Variants in NDRG3 observed in about 807,000 individuals in gnomAD.
NDRG3 encodes the protein protein NDRG3.
NDRG3 carries 23 observed loss-of-function variants against 57.2 expected under a neutral mutation model. The ratio of observed to expected loss-of-function variants is 0.40; its 90% confidence interval spans 0.29 to 0.57. The LOEUF (loss-of-function observed/expected upper bound fraction) is 0.57, where lower values mean the gene tolerates loss of function less well. NDRG3 is among the 20% of genes least tolerant of loss of function. The pLI is 0.42. For synonymous variants in NDRG3, 132 were observed against 162.6 expected, an observed-to-expected ratio of 0.81 and a Z score of 1.43; for missense variants, 384 against 457.3, an observed-to-expected ratio of 0.84 and a Z score of 1.46.
chr20:36,693,403 C>A (rs930017392), intron 3 of NDRG3, among the ~76,000 whole-genome samples: 1 of 151,184 alleles, frequency 6.6e-6, no homozygotes, highest in African/African-American at 2.4e-5. Context: ...AACTTAACTA[C>A]TAATAACCTA....
At chr20:36,658,057 T>C (rs221311) in intron 13 of NDRG3, among the ~76,000 whole-genome samples, 139,529 of 152,236 alleles carry the variant, frequency 0.92, 64,231 homozygotes, top group African/African-American at 0.98. Context: ...TCTATGGTTA[T>C]TGTAGGGTTT....
intron 1 of NDRG3, among the ~76,000 whole-genome samples, chr20:36,725,850 G>A (rs182995010): frequency 1.5e-4 from 23 of 151,932 alleles, no homozygotes; most frequent in Non-Finnish European, 3.2e-4. Flanking sequence ...ACTCCACATG[G>A]GTGGGCCTGT....
rs868530736 is a variant in NDRG3, at chr20:36,653,370, A to G, written c.*150T>C. 1.5e-6 allele frequency: 1 copy of G among 660,816 alleles called. No homozygotes were observed. Among genetic ancestry groups the G allele is most frequent in the East Asian group, 2.8e-5 (1 of 35,836 alleles). The allele number at this position is 660,816 out of a possible 1,614,324, so 40.9% of individuals were successfully genotyped here. On this transcript the variant is annotated 3_prime_UTR_variant, in exon 16 of 16. Transcript: ENST00000349004. The surrounding 1 kb of genome is among the most constrained non-coding windows in gnomAD (Gnocchi z 4.2). ...TACAAAAAAGGGGGTGGGCAGGCAG[A>G]GAGAATGATAAATCCAGGCTACTAG...
intron 1 of NDRG3, among the ~76,000 whole-genome samples, chr20:36,741,573 T>C (rs549063268): frequency 6.6e-6 from 1 of 152,328 alleles, no homozygotes; most frequent in African/African-American, 2.4e-5. Context: ...CCCAAGCCTC[T>C]AAATCTTACT....
chr20:36,697,968 T>TC (rs1469517649), intron 3 of NDRG3, among the ~76,000 whole-genome samples: 1 of 145,006 alleles, frequency 6.9e-6, no homozygotes. Context: ...TTTTTCTTTT[T>TC]TTTTTTTTTT....
intron 12 of NDRG3, among the ~76,000 whole-genome samples, chr20:36,664,295 G>T (rs989701698): frequency 2.6e-5 from 4 of 151,878 alleles, no homozygotes; most frequent in African/African-American, 7.3e-5. Flanking sequence ...CTGTCTTTAG[G>T]TAATGGGATC....
intron 1 of NDRG3, among the ~76,000 whole-genome samples, chr20:36,728,743 T>C (rs1985100395): frequency 6.6e-6 from 1 of 151,980 alleles, no homozygotes; most frequent in Admixed American, 6.6e-5. Flanking sequence ...GGGGAGGTTT[T>C]GAGACAGAGT....
chr20:36,669,242 T>C (rs1979918945), intron 9 of NDRG3, among the ~76,000 whole-genome samples: 1 of 151,306 alleles, frequency 6.6e-6, no homozygotes, highest in African/African-American at 2.4e-5. Context: ...TTTTTTTTTT[T>C]TTCTGGGATG....
chr20:36,702,337 C>T (rs1445442170), intron 3 of NDRG3, among the ~76,000 whole-genome samples: 1 of 152,076 alleles, frequency 6.6e-6, no homozygotes, highest in East Asian at 1.9e-4. Context: ...GGGGTTTCAC[C>T]GTGTTAGCCA....
intron 8 of NDRG3, among the ~76,000 whole-genome samples, chr20:36,679,596 C>T (rs149359627): frequency 0.028 from 4,277 of 151,952 alleles, 241 homozygotes; most frequent in African/African-American, 0.098. Context: ...CTCCACCTCC[C>T]AGGTTCAAGT....
chr20:36,674,277 G>C (rs901839275), intron 8 of NDRG3, among the ~76,000 whole-genome samples: 3 of 151,604 alleles, frequency 2.0e-5, no homozygotes, highest in African/African-American at 7.3e-5. Flanking sequence ...TTGACTCACT[G>C]CAAACTTTGC....
intron 1 of NDRG3, among the ~76,000 whole-genome samples, chr20:36,737,525 GATTC>G (rs771010666): frequency 3.1e-4 from 47 of 152,108 alleles, no homozygotes; most frequent in African/African-American, 8.9e-4. Flanking sequence ...GCACTTTATG[GATTC>G]ATTATTTCAT....
intron 6 of NDRG3, among the ~76,000 whole-genome samples, chr20:36,683,443 G>A (rs1420333720): frequency 3.3e-5 from 5 of 151,160 alleles, no homozygotes; most frequent in Non-Finnish European, 1.5e-5. Flanking sequence ...ATGAAACCCC[G>A]TCTCTACTAA....
chr20:36,660,647 G>A (rs1253978397), intron 12 of NDRG3, among the ~76,000 whole-genome samples: 1 of 151,038 alleles, frequency 6.6e-6, no homozygotes, highest in African/African-American at 2.4e-5. Flanking sequence ...TGCAAGCTCC[G>A]CCTCCCGGGT....
rs1051679547 is a variant in NDRG3 at position 36,688,530 on chromosome 20, T to G, written c.199+149A>C. On this transcript the variant is annotated intron_variant, in intron 4 of 15. Transcript: ENST00000349004. ...TTCCCCTGCACACTTCCCAGGAACT[T>G]TATACCATTAACGAATGTAGGAACA... 2.4e-5 allele frequency: 15 copies of G among 633,436 alleles called. No homozygotes were observed. In the African/African-American group the frequency reaches 2.4e-4, roughly 10 times the overall value. The allele number at this position is 633,436 out of a possible 1,614,324, so 39.2% of individuals were successfully genotyped here. A position where few individuals can be genotyped will look rare whatever the true frequency, so the allele number is the denominator to read the frequency against.
intron 3 of NDRG3, among the ~76,000 whole-genome samples, chr20:36,701,446 G>C (rs1462926254): frequency 1.3e-5 from 2 of 151,872 alleles, no homozygotes; most frequent in African/African-American, 2.4e-5. Context: ...TCAGGAGGCT[G>C]AAGCGGGAAG....
At chr20:36,730,950 AAAAG>A (rs948422565) in intron 1 of NDRG3, among the ~76,000 whole-genome samples, 19 of 151,936 alleles carry the variant, frequency 1.3e-4, no homozygotes, top group South Asian at 6.2e-4. Context: ...AAAAAAAAAA[AAAAG>A]AAAGAAAGAA....
intron 3 of NDRG3, 130 bp from the exon 4 acceptor site, chr20:36,688,914 C>G (rs1165074420): frequency 1.1e-5 from 8 of 696,856 alleles, no homozygotes; most frequent in Non-Finnish European, 2.0e-5. Flanking sequence ...TTACATGTGG[C>G]TGGGCGTGGT....
chr20:36,713,525 T>C (rs1984045242), intron 2 of NDRG3, among the ~76,000 whole-genome samples: 1 of 152,082 alleles, frequency 6.6e-6, no homozygotes, highest in African/African-American at 2.4e-5. Context: ...TGAGATCTGG[T>C]CAAAAGGCAT....
Sources: gnomAD v4.1 joint callset for allele counts (sites outside exome capture counted in the v4.1 genomes callset) on GRCh38, gnomAD v4.1.1 for gene constraint, Gnocchi (gnomAD v3.1) non-coding constraint, MANE v1.5 for transcripts, NCBI Gene and HGNC (gene_info 2026-07-23, HGNC 2026-07-21) for gene names.